NUTM2E: variants seen among roughly 807,000 people sequenced by gnomAD.
NUTM2E encodes NUT family member 2E.
Under a neutral mutation model 26.1 loss-of-function variants are expected in NUTM2E, and 3 were observed. The observed-to-expected ratio is 0.12, with a 90% confidence interval of 0.05 to 0.30. The LOEUF (loss-of-function observed/expected upper bound fraction) is 0.30, where lower values mean the gene tolerates loss of function less well. Among genes scored for constraint, NUTM2E ranks in the 10% least tolerant of loss-of-function variants. The pLI is 1.00. For synonymous variants in NUTM2E, 13 were observed against 157.5 expected (o/e 0.08, Z 6.87); for missense variants, 62 against 381.3 (o/e 0.16, Z 6.97).
intron 1 of NUTM2E, among the ~76,000 whole-genome samples, chr10:79,830,300 T>TA (rs1408637249): frequency 2.6e-5 from 4 of 151,686 alleles, no homozygotes; most frequent in Non-Finnish European, 2.9e-5. Context: ...TCTGGATGGT[T>TA]AAAAAAATCC....
At position 79,839,701 on chromosome 10, in the gene NUTM2E, C is replaced by T. The variant is rs994423275; in HGVS notation, c.-2040C>T. 2.6e-5 allele frequency among the ~76,000 whole-genome samples: 4 copies of T among 151,828 alleles called. No homozygotes were observed. The highest frequency in any genetic ancestry group is 9.7e-5 in the African/African-American group (4 of 41,266). On this transcript the variant is annotated 5_prime_UTR_variant, in exon 4 of 10. Transcript: ENST00000429984. The stretch of plus-strand genomic sequence containing the variant: ...TGATGCAGGCCCAGGGCCTCAAGTG[C>T]AGAGTCTGAGAGCTCTGCAGGACAC...
chr10:79,831,774 TAA>T (rs1841928228), intron 1 of NUTM2E, among the ~76,000 whole-genome samples: 1 of 151,234 alleles, frequency 6.6e-6, no homozygotes, highest in African/African-American at 2.4e-5. Context: ...TTTCCAAAAT[TAA>T]TTACTGATAA....
rs564141310 is a variant in NUTM2E, at chr10:79,827,007, G to GCC, written c.-3078_-3077insCC. ...GTTCTCCCTAAGCACCCTCGCTCAC[G>GCC]TCGCCTCGCCTCGCCTGACCGGCCG... On this transcript the variant is annotated 5_prime_UTR_variant, in exon 1 of 10. Transcript: ENST00000429984. 3 of 113,778 alleles carry GCC rather than the reference G, an allele frequency of 2.6e-5. No homozygotes were observed. The highest frequency in any genetic ancestry group is 1.0e-4 in the African/African-American group (3 of 29,130). 7.0% of individuals were successfully genotyped at this position (113,778 alleles called of 1,614,324 possible).
chr10:79,836,049 T>C (rs963603721), intron 1 of NUTM2E, among the ~76,000 whole-genome samples: 1 of 151,478 alleles, frequency 6.6e-6, no homozygotes, highest in Non-Finnish European at 1.5e-5. Context: ...GATGTGATTA[T>C]GAAACACATT....
In NUTM2E at chr10:79,838,878, G is replaced by A. The variant is rs1469260247; in HGVS notation, c.-2351G>A. ...CCTGCCATCAACCGCCGCAACTGGC[G>A]CTGGGAGCGGTTGAGGGCGGCCGGC... is the stretch of plus-strand genomic sequence containing the variant. On this transcript the variant is annotated 5_prime_UTR_variant, in exon 3 of 10. Transcript: ENST00000429984. Among the ~76,000 whole-genome samples the A allele has an allele frequency of 1.5e-3, 208 of 143,334 alleles. 1 individual carries two copies. Among genetic ancestry groups the A allele is most frequent in the African/African-American group, 4.8e-3 (190 of 39,898 alleles). 94.0% of individuals were successfully genotyped at this position (143,334 alleles called of 152,430 possible).
chr10:79,833,313 A>G (rs1483027299), intron 1 of NUTM2E, among the ~76,000 whole-genome samples: 3 of 151,456 alleles, frequency 2.0e-5, no homozygotes, highest in Admixed American at 6.6e-5. Context: ...ATCAGAACAT[A>G]CTCACTCCGA....
chr10:79,834,106 C>G lies in NUTM2E; in HGVS notation c.-2727-4203C>G, dbSNP rs1479721072. Among the ~76,000 whole-genome samples, 20 of 151,390 alleles carry G rather than the reference C, an allele frequency of 1.3e-4. No individual in the cohort carries two copies. In the Admixed American group the frequency reaches 1.3e-3, roughly 10 times the overall value. On this transcript the variant is annotated intron_variant, in intron 1 of 9. Transcript: ENST00000429984. ...AACCATCATTATCAGCAAACTAACA[C>G]AGGAACAGAAAACCAAACACCACAT... is the stretch of plus-strand genomic sequence containing the variant.
intron 1 of NUTM2E, among the ~76,000 whole-genome samples, chr10:79,827,807 T>TTTTTTTTTG (rs1841897369): frequency 9.7e-6 from 1 of 103,266 alleles, no homozygotes; most frequent in Admixed American, 1.1e-4. Flanking sequence ...TTTTTTTTTT[T>TTTTTTTTTG]TGTTTTTTTT....
At chr10:79,844,995 C>CTA (rs1372289270) in intron 5 of NUTM2E, 123 bp downstream of exon 5, 1 of 377,702 alleles carries the variant, frequency 2.6e-6, no homozygotes, top group African/African-American at 2.1e-5. Flanking sequence ...ATGGGCTGCA[C>CTA]TATGGGAAGG....
chr10:79,849,488 G>C lies in NUTM2E; in HGVS notation c.1851+1G>C. 2.0e-6 allele frequency: 1 copy of C among 496,718 alleles called. No homozygotes were observed. Among genetic ancestry groups the C allele is most frequent in the Non-Finnish European group, 3.2e-6 (1 of 312,970 alleles). 30.8% of individuals were successfully genotyped at this position (496,718 alleles called of 1,614,324 possible). A position where few individuals can be genotyped will look rare whatever the true frequency, so the allele number is the denominator to read the frequency against. ...GGAGGAAGGACTCACCCTTGCCCAG[G>C]TACCCCAGGGGCAGGAGGGACCTGG... On this transcript the variant is annotated splice_donor_variant, in intron 9 of 9. Transcript: ENST00000429984. LOFTEE classifies it high-confidence loss of function.
intron 1 of NUTM2E, chr10:79,827,566 C>CAAAAAA (rs879172921): frequency 1.9e-5 from 2 of 104,606 alleles, no homozygotes; most frequent in African/African-American, 6.7e-5. Context: ...CCCATGCTCA[C>CAAAAAA]AAAAAAAAAA....
intron 8 of NUTM2E, among the ~76,000 whole-genome samples, 197 bp downstream of exon 8, chr10:79,849,092 G>A (rs1842037987): frequency 9.2e-6 from 1 of 108,984 alleles, no homozygotes; most frequent in South Asian, 2.5e-4. Flanking sequence ...GTCTGTGTAG[G>A]TGTGAGTGTG....
At chr10:79,833,500 T>G (rs1160696660) in intron 1 of NUTM2E, among the ~76,000 whole-genome samples, 1 of 151,228 alleles carries the variant, frequency 6.6e-6, no homozygotes, top group Admixed American at 6.6e-5. Flanking sequence ...TACAAAGAAT[T>G]TAAACAAATT....
intron 6 of NUTM2E, 54 bp from the exon 7 acceptor site, chr10:79,847,877 G>A: frequency 3.1e-6 from 1 of 323,536 alleles, no homozygotes; most frequent in South Asian, 2.5e-5. Context: ...GCCTGGTCCT[G>A]CGGGGAGGGG....
chr10:79,842,122 G>A lies in NUTM2E; in HGVS notation c.382G>A (p.Ala128Thr). The change falls in exon 4 of 10, where the codon GCA becomes ACA. Residue 128 changes from alanine to threonine, a missense_variant and splice_region_variant. Ala to Thr is a moderately conservative substitution (Grantham distance 58, BLOSUM62 0). Coordinates refer to ENST00000429984, the MANE Select transcript of NUTM2E (RefSeq NM_001355263.2). ...GCCTGAGGGGATGGCTTCGAATGGAGGTAAGCCTGTAGGGATGGGGGCATT... is the reference window on the plus strand; with the variant it reads ...GCCTGAGGGGATGGCTTCGAATGGAAGTAAGCCTGTAGGGATGGGGGCATT... ...AQPEGMASNG[A>T]YPVLGPGVTA... 1 of 1,098,010 alleles carries A rather than the reference G, an allele frequency of 9.1e-7. No homozygotes were observed. Among genetic ancestry groups the A allele is most frequent in the South Asian group, 1.3e-5 (1 of 76,382 alleles). 68.0% of individuals were successfully genotyped at this position (1,098,010 alleles called of 1,614,324 possible).
intron 3 of NUTM2E, among the ~76,000 whole-genome samples, chr10:79,839,349 A>G (rs1378537519): frequency 5.9e-5 from 9 of 151,350 alleles, no homozygotes; most frequent in South Asian, 4.2e-4. Flanking sequence ...ACCTGAAAAC[A>G]CACTCCAAAA....
In NUTM2E at chr10:79,838,877, C is replaced by T. The variant is rs1038887074; in HGVS notation, c.-2352C>T. Among the ~76,000 whole-genome samples, 6 of 144,176 alleles carry T rather than the reference C, an allele frequency of 4.2e-5. No individual in the cohort carries two copies. The highest frequency in any genetic ancestry group is 2.2e-4 in the East Asian group (1 of 4,624). The allele number at this position is 144,176 out of a possible 152,430, so 94.6% of individuals were successfully genotyped here. Reference sequence around the variant, plus strand: ...CCCTGCCATCAACCGCCGCAACTGGCGCTGGGAGCGGTTGAGGGCGGCCGG... The same window carrying T: ...CCCTGCCATCAACCGCCGCAACTGGTGCTGGGAGCGGTTGAGGGCGGCCGG... On this transcript the variant is annotated 5_prime_UTR_variant, in exon 3 of 10. Coordinates refer to ENST00000429984, the MANE Select transcript of NUTM2E (RefSeq NM_001355263.2).
chr10:79,832,215 T>C (rs1841931798), intron 1 of NUTM2E, among the ~76,000 whole-genome samples: 1 of 151,814 alleles, frequency 6.6e-6, no homozygotes, highest in Non-Finnish European at 1.5e-5. Flanking sequence ...CACAACCATT[T>C]TTCTCACTTA....
At chr10:79,838,682 T>G (rs1251336389) in intron 2 of NUTM2E, among the ~76,000 whole-genome samples, 96 bp downstream of exon 2, 1 of 151,756 alleles carries the variant, frequency 6.6e-6, no homozygotes, top group Non-Finnish European at 1.5e-5. Context: ...ACAGGCCTGC[T>G]CTGGTCACAA....
Sources: gnomAD v4.1 joint callset for allele counts (sites outside exome capture counted in the v4.1 genomes callset) on GRCh38, gnomAD v4.1.1 for gene constraint, MANE v1.5 for transcripts, NCBI Gene and HGNC (gene_info 2026-07-23, HGNC 2026-07-21) for gene names.